The following KDM4C variants were observed in gnomAD, a reference collection of about 807,000 sequenced individuals.
KDM4C encodes lysine demethylase 4C.
In KDM4C, 81 loss-of-function variants were observed where a neutral mutation model predicts 129.3. The ratio of observed to expected loss-of-function variants is 0.63; its 90% CI spans 0.52 to 0.75. The LOEUF (loss-of-function observed/expected upper bound fraction) is 0.75, where lower values mean the gene tolerates loss of function less well. Ranked by LOEUF, KDM4C falls within the 30% of genes least tolerant of loss-of-function variation. The pLI is 0.00. For synonymous variants in KDM4C, 573 were observed against 456.1 expected (o/e 1.26, Z -3.26); for missense variants, 1,457 against 1,304.0 (o/e 1.12, Z -1.81).
intron 8 of KDM4C, among the ~76,000 whole-genome samples, chr9:6,900,397 G>C (rs1251631295): frequency 1.3e-5 from 2 of 152,252 alleles, no homozygotes; most frequent in Non-Finnish European, 2.9e-5. Flanking sequence ...GAATGGTCTT[G>C]TCCCATGAAA....
At chr9:6,957,421 A>G (rs1829258538) in intron 8 of KDM4C, among the ~76,000 whole-genome samples, 1 of 152,100 alleles carries the variant, frequency 6.6e-6, no homozygotes, top group Non-Finnish European at 1.5e-5. Flanking sequence ...AAACTCTCTT[A>G]TGGGACCCTG....
At chr9:6,981,226 C>CT in intron 9 of KDM4C, 108 bp downstream of exon 9, 1 of 773,440 alleles carries the variant, frequency 1.3e-6, no homozygotes, top group Non-Finnish European at 2.0e-6. Flanking sequence ...TTCATCATAA[C>CT]TTAATACCTT....
At chr9:6,725,761 G>A (rs1473433211) in intron 1 of KDM4C, among the ~76,000 whole-genome samples, 3 of 145,796 alleles carry the variant, frequency 2.1e-5, no homozygotes, top group African/African-American at 5.1e-5. Context: ...CCAGGCTGGA[G>A]TGCAGTGGTG....
chr9:7,089,376 G>A (rs141879946), intron 17 of KDM4C, among the ~76,000 whole-genome samples: 1 of 152,192 alleles, frequency 6.6e-6, no homozygotes, highest in Non-Finnish European at 1.5e-5. Context: ...GCAGGATCGA[G>A]TTCTTCACAG....
intron 1 of KDM4C, among the ~76,000 whole-genome samples, chr9:6,761,025 G>A (rs1344501152): frequency 1.5e-5 from 2 of 137,566 alleles, no homozygotes; most frequent in Non-Finnish European, 3.1e-5. Context: ...TTTTTGAGAC[G>A]GAATCTCGCT....
intron 5 of KDM4C, among the ~76,000 whole-genome samples, chr9:6,870,332 T>A (rs1308820099): frequency 6.6e-6 from 1 of 152,010 alleles, no homozygotes; most frequent in African/African-American, 2.4e-5. Context: ...ATCTTCATAG[T>A]GATTGTTGGG....
intron 12 of KDM4C, among the ~76,000 whole-genome samples, chr9:7,005,658 T>G (rs1321034539): frequency 6.6e-6 from 1 of 152,120 alleles, no homozygotes; most frequent in Non-Finnish European, 1.5e-5. Flanking sequence ...CCCACAGACC[T>G]TTGCAGAGAT....
chr9:6,954,116 A>G (rs1021693220), intron 8 of KDM4C, among the ~76,000 whole-genome samples: 1 of 152,168 alleles, frequency 6.6e-6, no homozygotes, highest in African/African-American at 2.4e-5. Flanking sequence ...GGCAGTATAC[A>G]TTCTCAGGTG....
intron 8 of KDM4C, among the ~76,000 whole-genome samples, chr9:6,965,422 T>C (rs1373305909): frequency 1.3e-5 from 2 of 152,126 alleles, no homozygotes; most frequent in Non-Finnish European, 2.9e-5. Context: ...GTGACATTTA[T>C]CTCCAGAACA....
intron 17 of KDM4C, among the ~76,000 whole-genome samples, chr9:7,062,593 A>G (rs1401991432): frequency 6.6e-6 from 1 of 151,238 alleles, no homozygotes; most frequent in African/African-American, 2.4e-5. Context: ...CTTCTTGTCT[A>G]AGCTGGTCTC....
intron 19 of KDM4C, among the ~76,000 whole-genome samples, chr9:7,151,661 A>C (rs1842741021): frequency 6.6e-6 from 1 of 152,202 alleles, no homozygotes; most frequent in African/African-American, 2.4e-5. Context: ...CCTGGGCGAC[A>C]GGAGTGAGAC....
chr9:6,985,567 A>C (rs1563933789), intron 10 of KDM4C, among the ~76,000 whole-genome samples: 1 of 152,242 alleles, frequency 6.6e-6, no homozygotes, highest in Non-Finnish European at 1.5e-5. Flanking sequence ...TGATATCTGA[A>C]TTGAGTTTTG....
intron 17 of KDM4C, among the ~76,000 whole-genome samples, chr9:7,070,724 C>T (rs1031140088): frequency 6.6e-6 from 1 of 152,096 alleles, no homozygotes; most frequent in Non-Finnish European, 1.5e-5. Context: ...ATAAAGCATA[C>T]TTACAAAAAA....
intron 17 of KDM4C, among the ~76,000 whole-genome samples, chr9:7,049,602 T>A (rs1829870333): frequency 6.6e-6 from 1 of 152,124 alleles, no homozygotes; most frequent in African/African-American, 2.4e-5. Context: ...AATTTCATTA[T>A]CTCTTCACCA....
intron 4 of KDM4C, among the ~76,000 whole-genome samples, chr9:6,816,347 G>A (rs1272222997): frequency 6.6e-6 from 1 of 152,134 alleles, no homozygotes; most frequent in Admixed American, 6.5e-5. Flanking sequence ...CTGACACTGA[G>A]GAAAACATTA....
chr9:6,914,082 G>A (rs1011278205), intron 8 of KDM4C, among the ~76,000 whole-genome samples: 3 of 151,820 alleles, frequency 2.0e-5, no homozygotes, highest in African/African-American at 7.3e-5. Context: ...TTTTTGAGAC[G>A]GAGTTTTGCG....
At chr9:7,008,648 C>T (rs759085136) in intron 12 of KDM4C, among the ~76,000 whole-genome samples, 5 of 152,218 alleles carry the variant, frequency 3.3e-5, no homozygotes, top group Non-Finnish European at 7.3e-5. Context: ...GACAGGACCA[C>T]ACCAGTGGAA....
chr9:7,096,933 A>G (rs747677028), intron 17 of KDM4C, among the ~76,000 whole-genome samples: 43 of 152,330 alleles, frequency 2.8e-4, no homozygotes, highest in South Asian at 2.7e-3. Flanking sequence ...AGTTTGTGCC[A>G]GAGTACAGTC....
At chr9:6,820,148 T>C (rs997798339) in intron 4 of KDM4C, among the ~76,000 whole-genome samples, 1 of 152,114 alleles carries the variant, frequency 6.6e-6, no homozygotes, top group African/African-American at 2.4e-5. Context: ...GAGGGACAGT[T>C]GGTGCAGTGG....
Sources: gnomAD v4.1 joint callset for allele counts (sites outside exome capture counted in the v4.1 genomes callset) on GRCh38, gnomAD v4.1.1 for gene constraint, MANE v1.5 for transcripts, NCBI Gene and HGNC (gene_info 2026-07-23, HGNC 2026-07-21) for gene names.